The following ANKDD1B variants were observed in gnomAD, a reference collection of about 807,000 sequenced individuals.
The protein encoded by ANKDD1B is ankyrin repeat and death domain containing 1B.
ANKDD1B carries 57 observed loss-of-function variants against 59.7 expected under a neutral mutation model. The ratio of observed to expected loss-of-function variants is 0.95; its 90% CI spans 0.77 to 1.19. ANKDD1B has a LOEUF of 1.19. Among genes scored for constraint, ANKDD1B ranks in the 50% most tolerant of loss-of-function variants. The pLI, the probability that ANKDD1B is intolerant of heterozygous loss-of-function variation, is 0.00. For synonymous variants in ANKDD1B, 216 were observed against 239.5 expected, an observed-to-expected ratio of 0.90 and a Z score of 0.91; for missense variants, 602 against 641.9, an observed-to-expected ratio of 0.94 and a Z score of 0.67.
intron 11 of ANKDD1B, 149 bp downstream of exon 11, chr5:75,663,638 C>A (rs1380795866): frequency 3.0e-6 from 2 of 674,114 alleles, no homozygotes; most frequent in East Asian, 2.7e-5. Flanking sequence ...TCTTGTGCTG[C>A]CCCCATTCGT....
intron 10 of ANKDD1B, among the ~76,000 whole-genome samples, chr5:75,660,734 A>G (rs1775114353): frequency 6.6e-6 from 1 of 152,190 alleles, no homozygotes; most frequent in Non-Finnish European, 1.5e-5. Context: ...AGTGAGGTGG[A>G]CAAAATCACT....
chr5:75,615,307 T>G (rs748952916), intron 1 of ANKDD1B, among the ~76,000 whole-genome samples: 4 of 152,150 alleles, frequency 2.6e-5, no homozygotes, highest in African/African-American at 4.8e-5. Context: ...ATTTGATGGC[T>G]AAGGTCAGAT....
intron 12 of ANKDD1B, 59 bp from the exon 13 acceptor site, chr5:75,669,193 C>T (rs889293513): frequency 1.6e-6 from 2 of 1,229,490 alleles, no homozygotes; most frequent in Non-Finnish European, 2.0e-6. Flanking sequence ...ACTGAGATCA[C>T]AATGGAAAGA....
At chr5:75,616,619 TGAG>T (rs1308456079) in intron 1 of ANKDD1B, among the ~76,000 whole-genome samples, 182 bp from the exon 2 acceptor site, 3 of 152,188 alleles carry the variant, frequency 2.0e-5, no homozygotes, top group Non-Finnish European at 2.9e-5. Context: ...GCTTGCAGCA[TGAG>T]GAGAAAATGA....
In ANKDD1B at chr5:75,639,745, A is replaced by G. The variant is rs75308011; in HGVS notation, c.798+3863A>G. ...GGGAAGGAATTCTGCATTTCTTCCA[A>G]ATATTTTTAGGAAATTCTACATGAG... On this transcript the variant is annotated intron_variant, in intron 7 of 13. Transcript: ENST00000601380. Among the ~76,000 whole-genome samples the G allele has an allele frequency of 1.1e-3, 169 of 152,328 alleles. 1 individual carries two copies. In the East Asian group the frequency reaches 0.028, roughly 25 times the overall value.
At chr5:75,642,233 G>T (rs889855166) in intron 7 of ANKDD1B, among the ~76,000 whole-genome samples, 6 of 151,858 alleles carry the variant, frequency 4.0e-5, no homozygotes, top group African/African-American at 1.4e-4. Flanking sequence ...ATTCATGGGA[G>T]GTGGGAGGAG....
intron 3 of ANKDD1B, among the ~76,000 whole-genome samples, chr5:75,621,651 C>T (rs891374324): frequency 6.6e-6 from 1 of 152,132 alleles, no homozygotes; most frequent in African/African-American, 2.4e-5. Context: ...CAGCAAACAC[C>T]TATGTATCCA....
chr5:75,634,926 CTGAGAGGGGCCATGT>C lies in ANKDD1B; in HGVS notation c.633_647del (p.Arg212_Glu216del). 1.3e-6 allele frequency: 2 copies of C among 1,535,092 alleles called. No individual in the cohort carries two copies. The highest frequency in any genetic ancestry group is 1.7e-6 in the Non-Finnish European group (2 of 1,145,942). On this transcript the variant is annotated inframe_deletion, in exon 6 of 14. Coordinates refer to ENST00000601380, the MANE Select transcript of ANKDD1B (RefSeq NM_001276713.2). ...GGAAGAAAACCATTTCTTTTGGCAG[CTGAGAGGGGCCATGT>C]TGAAATGATAGAAAAACTTACCTTC...
At chr5:75,617,801 C>T (rs1462450068) in intron 2 of ANKDD1B, among the ~76,000 whole-genome samples, 1 of 152,134 alleles carries the variant, frequency 6.6e-6, no homozygotes, top group Non-Finnish European at 1.5e-5. Flanking sequence ...AAGGAAGACT[C>T]CCTAAATAGT....
At chr5:75,649,438 A>G (rs964585110) in intron 7 of ANKDD1B, among the ~76,000 whole-genome samples, 2 of 152,088 alleles carry the variant, frequency 1.3e-5, no homozygotes, top group Non-Finnish European at 2.9e-5. Flanking sequence ...ATTCACTTCA[A>G]TTTTGTGGTT....
chr5:75,615,565 G>T (rs180775230), intron 1 of ANKDD1B, among the ~76,000 whole-genome samples: 1 of 152,116 alleles, frequency 6.6e-6, no homozygotes, highest in East Asian at 1.9e-4. Flanking sequence ...AGTTCTGGAG[G>T]CTACAAGTCC....
intron 7 of ANKDD1B, 97 bp from the exon 8 acceptor site, chr5:75,653,045 A>G: frequency 3.7e-6 from 3 of 818,904 alleles, no homozygotes; most frequent in Non-Finnish European, 6.0e-6. Flanking sequence ...TAGTTGTACT[A>G]TTTCATTGTA....
At chr5:75,635,130 CAGAG>C (rs1262388833) in intron 6 of ANKDD1B, 134 bp downstream of exon 6, 9 of 601,954 alleles carry the variant, frequency 1.5e-5, no homozygotes, top group Middle Eastern at 3.0e-4. Flanking sequence ...CTACTGTACT[CAGAG>C]AGAATCATGA....
At chr5:75,630,802 T>A (rs1774131106) in intron 5 of ANKDD1B, among the ~76,000 whole-genome samples, 1 of 152,246 alleles carries the variant, frequency 6.6e-6, no homozygotes, top group South Asian at 2.1e-4. Context: ...CAGCTCTTTC[T>A]TTCTTCATTT....
chr5:75,621,411 T>A (rs1187722900), intron 3 of ANKDD1B, among the ~76,000 whole-genome samples: 2 of 152,044 alleles, frequency 1.3e-5, no homozygotes, highest in Non-Finnish European at 2.9e-5. Context: ...TCTGATTTTT[T>A]CCCCAATCCA....
intron 5 of ANKDD1B, chr5:75,634,621 T>C (rs1774250448): frequency 3.5e-6 from 1 of 286,858 alleles, no homozygotes; most frequent in Admixed American, 4.5e-5. Flanking sequence ...CATCTGACTG[T>C]GATGTTGCAC....
chr5:75,633,589 T>TA (rs1774222956), intron 5 of ANKDD1B, among the ~76,000 whole-genome samples: 2 of 152,212 alleles, frequency 1.3e-5, no homozygotes, highest in Non-Finnish European at 2.9e-5. Flanking sequence ...AGTAACACAC[T>TA]AAGCCAATCT....
rs1192183717 is a variant in ANKDD1B at position 75,655,540 on chromosome 5, CACTT to C, written c.898-483_898-480del. Among the ~76,000 whole-genome samples, 4 of 152,204 alleles carry C rather than the reference CACTT, an allele frequency of 2.6e-5. No homozygotes were observed. In the East Asian group the frequency reaches 5.8e-4, roughly 22 times the overall value. On this transcript the variant is annotated intron_variant, in intron 8 of 13. Transcript: ENST00000601380. ...AAGTCCTGTGGTTCAGCCTATTTAA[CACTT>C]ACTTATCCTTCATATTTGAGTTTAA...
At chr5:75,640,056 T>G (rs1267987243) in intron 7 of ANKDD1B, among the ~76,000 whole-genome samples, 1 of 152,022 alleles carries the variant, frequency 6.6e-6, no homozygotes, top group Non-Finnish European at 1.5e-5. Context: ...TTTTTTTTTT[T>G]GTTTTGAGAT....
Sources: allele counts gnomAD v4.1 joint callset (sites outside exome capture counted in the v4.1 genomes callset), GRCh38; gene constraint gnomAD v4.1.1; transcripts MANE v1.5; gene names NCBI Gene and HGNC (gene_info 2026-07-23, HGNC 2026-07-21).